The following CPED1 variants were observed in gnomAD, a reference collection of about 807,000 sequenced individuals.
CPED1 encodes the protein cadherin-like and PC-esterase domain-containing protein 1.
In CPED1, 114 loss-of-function variants were observed where a neutral mutation model predicts 128.2. That is an observed-to-expected ratio of 0.89 (90% CI 0.76 to 1.04). The LOEUF is 1.04. CPED1 is among the 50% of genes least tolerant of loss of function. CPED1 has a pLI of 0.00. For synonymous variants in CPED1, 462 were observed against 426.7 expected, an observed-to-expected ratio of 1.08 and a Z score of -1.02; for missense variants, 1,211 against 1,207.1, an observed-to-expected ratio of 1.00 and a Z score of -0.05.
intron 16 of CPED1, among the ~76,000 whole-genome samples, chr7:121,179,301 T>G (rs891486320): frequency 6.6e-6 from 1 of 152,106 alleles, no homozygotes; most frequent in Non-Finnish European, 1.5e-5. Flanking sequence ...AGATATACTC[T>G]GTAAGAAGTT....
chr7:121,194,053 T>A (rs1197309881), intron 16 of CPED1, among the ~76,000 whole-genome samples: 39 of 126,626 alleles, frequency 3.1e-4, no homozygotes, highest in African/African-American at 6.3e-4. Context: ...TATATATTTT[T>A]TTTTTTTTTT....
rs147637223 is a variant in CPED1 at position 121,145,546 on chromosome 7, C to T, written c.2055+3405C>T. Among the ~76,000 whole-genome samples, 120 of 152,058 alleles carry T rather than the reference C, an allele frequency of 7.9e-4. 2 individuals carry two copies. The highest frequency in any genetic ancestry group is 2.4e-3 in the African/African-American group (100 of 41,512). On this transcript the variant is annotated intron_variant, in intron 16 of 22. Transcript: ENST00000310396. Reference sequence around the variant, plus strand: ...CAAATGAGTGAACACAAAAATGTGGCGTGAATAATGTGGACTGCTTTAGAT... The same window carrying T: ...CAAATGAGTGAACACAAAAATGTGGTGTGAATAATGTGGACTGCTTTAGAT...
At chr7:121,232,642 C>T (rs1007542724) in intron 16 of CPED1, among the ~76,000 whole-genome samples, 1 of 152,094 alleles carries the variant, frequency 6.6e-6, no homozygotes, top group Non-Finnish European at 1.5e-5. Flanking sequence ...GAAGGGAACT[C>T]CCTGCCTTCC....
chr7:121,213,970 T>G (rs1251355786), intron 16 of CPED1, among the ~76,000 whole-genome samples: 2 of 152,176 alleles, frequency 1.3e-5, no homozygotes, highest in African/African-American at 4.8e-5. Flanking sequence ...ACATTACTTT[T>G]GGTTATCATG....
rs200075911 is a variant in CPED1, at chr7:121,100,075, A to T, written c.899A>T (p.Lys300Ile). The T allele has an allele frequency of 2.0e-5, 33 of 1,613,576 alleles. No homozygotes were observed. The Admixed American group carries it at 4.3e-4, about 21-fold the overall frequency. Residue 300 changes from lysine to isoleucine, a missense_variant, in exon 7 of 23, where the codon AAA (lysine) becomes ATA (isoleucine). Lys to Ile is a moderately radical substitution (Grantham distance 102). Transcript: ENST00000310396. ...GGCACAGTTTGGAATCCACCAAAGA[A>T]AAAACGCTTCACTGTCAAGGTAAGC... Reference protein sequence around the residue: ...STGTVWNPPKKKRFTVKLQTF... With the variant: ...STGTVWNPPKIKRFTVKLQTF...
chr7:121,244,550 CTGTT>C (rs1275207701), intron 18 of CPED1, among the ~76,000 whole-genome samples: 1 of 152,222 alleles, frequency 6.6e-6, no homozygotes, highest in Non-Finnish European at 1.5e-5. Flanking sequence ...CCAAGTAACT[CTGTT>C]TGACAGATGG....
intron 5 of CPED1, among the ~76,000 whole-genome samples, chr7:121,079,725 T>C (rs1794233944): frequency 6.6e-6 from 1 of 152,242 alleles, no homozygotes; most frequent in Non-Finnish European, 1.5e-5. Flanking sequence ...GAATAACCCC[T>C]CTGCTCTTTG....
At chr7:121,125,556 C>T (rs1584530145) in intron 8 of CPED1, among the ~76,000 whole-genome samples, 1 of 152,064 alleles carries the variant, frequency 6.6e-6, no homozygotes, top group Non-Finnish European at 1.5e-5. Context: ...TGAGAACATG[C>T]AACGTTTGGT....
chr7:121,297,042 TTAAC>T lies in CPED1; in HGVS notation c.*1392_*1395del, dbSNP rs1792836412. On this transcript the variant is annotated 3_prime_UTR_variant, in exon 23 of 23. Coordinates refer to ENST00000310396, the MANE Select transcript of CPED1 (RefSeq NM_024913.5). The stretch of plus-strand genomic sequence containing the variant: ...TATGAAGATAAACATGAATTTATAT[TTAAC>T]TGTCTTAAATTATATTTACATAAAT... 1 of 152,062 alleles carries T rather than the reference TTAAC, an allele frequency of 6.6e-6. No homozygotes were observed. The highest frequency in any genetic ancestry group is 6.5e-5 in the Admixed American group (1 of 15,270). The allele number at this position is 152,062 out of a possible 1,614,324, so 9.4% of individuals were successfully genotyped here.
At chr7:121,088,200 T>C (rs952518875) in intron 5 of CPED1, among the ~76,000 whole-genome samples, 2 of 152,308 alleles carry the variant, frequency 1.3e-5, no homozygotes, top group African/African-American at 4.8e-5. Context: ...GTGGTGTTAA[T>C]TGAAACAAGA....
chr7:120,991,878 G>C (rs1489592727), intron 2 of CPED1, among the ~76,000 whole-genome samples: 2 of 152,176 alleles, frequency 1.3e-5, no homozygotes, highest in Non-Finnish European at 2.9e-5. Context: ...GATATGGAAA[G>C]TAGATTTCCA....
rs1314366746 is a variant in CPED1, at chr7:121,156,443, CT to C, written c.2055+14303del. ...CAAGATATGGAATCAACCTAAGTGT[CT>C]GTCACAGATGAGTGGATAAAGAAAA... On this transcript the variant is annotated intron_variant, in intron 16 of 22. Transcript: ENST00000310396. 2.0e-5 allele frequency among the ~76,000 whole-genome samples: 3 copies of C among 152,104 alleles called. No individual in the cohort carries two copies. The East Asian group carries it at 5.8e-4, about 29-fold the overall frequency.
At chr7:121,281,271 T>C (rs1375964537) in intron 22 of CPED1, among the ~76,000 whole-genome samples, 1 of 152,202 alleles carries the variant, frequency 6.6e-6, no homozygotes, top group Non-Finnish European at 1.5e-5. Flanking sequence ...CAGCAGTTAA[T>C]TGATATGGCA....
intron 3 of CPED1, among the ~76,000 whole-genome samples, chr7:121,040,326 G>A (rs576255401): frequency 3.2e-4 from 49 of 152,170 alleles, no homozygotes; most frequent in African/African-American, 1.1e-3. Context: ...TATAATCAGT[G>A]TTAGAAACAA....
intron 16 of CPED1, among the ~76,000 whole-genome samples, chr7:121,213,783 T>A (rs1194558086): frequency 6.6e-6 from 1 of 152,120 alleles, no homozygotes; most frequent in Admixed American, 6.6e-5. Flanking sequence ...CAGAAACTTT[T>A]CAAATAATCT....
intron 16 of CPED1, among the ~76,000 whole-genome samples, chr7:121,159,928 G>A (rs1447374675): frequency 6.6e-6 from 1 of 152,004 alleles, no homozygotes; most frequent in Admixed American, 6.6e-5. Context: ...TATGATCTAG[G>A]TTACATTAAT....
chr7:121,143,440 C>A (rs1014348200), intron 16 of CPED1, among the ~76,000 whole-genome samples: 3 of 151,724 alleles, frequency 2.0e-5, no homozygotes, highest in Non-Finnish European at 2.9e-5. Flanking sequence ...TTTTGTGGGA[C>A]AGATTTGAGG....
chr7:121,001,897 T>G (rs777703481), intron 2 of CPED1, among the ~76,000 whole-genome samples: 3 of 152,070 alleles, frequency 2.0e-5, no homozygotes. Context: ...ATTGAGATTA[T>G]AAAAGACAGA....
chr7:121,220,043 G>T (rs1292176653), intron 16 of CPED1, among the ~76,000 whole-genome samples: 1 of 152,034 alleles, frequency 6.6e-6, no homozygotes, highest in Non-Finnish European at 1.5e-5. Flanking sequence ...CCTCAGTAAA[G>T]ATGTTTAATT....
Sources: allele counts gnomAD v4.1 joint callset (sites outside exome capture counted in the v4.1 genomes callset), GRCh38; gene constraint gnomAD v4.1.1; transcripts MANE v1.5; gene names NCBI Gene and HGNC (gene_info 2026-07-23, HGNC 2026-07-21).